The following TEX15 variants were observed in gnomAD, a reference collection of about 807,000 sequenced individuals.
TEX15 encodes the protein testis-expressed protein 15.
A neutral mutation model predicts 237.3 loss-of-function variants in TEX15; 171 were observed. The observed-to-expected ratio is 0.72, with a 90% CI of 0.64 to 0.82. The LOEUF (loss-of-function observed/expected upper bound fraction) is 0.82. Ranked by LOEUF, TEX15 falls within the 40% of genes least tolerant of loss-of-function variation. TEX15 has a pLI of 0.00. For missense variants in TEX15, 3,750 were observed against 3,646.5 expected (o/e 1.03, Z -0.73); for synonymous variants, 1,338 against 1,269.8 (o/e 1.05, Z -1.14).
chr8:30,845,189 G>A lies in TEX15; in HGVS notation c.4978C>T (p.His1660Tyr). 1.2e-6 allele frequency: 2 copies of A among 1,613,422 alleles called. No homozygotes were observed. The highest frequency in any genetic ancestry group is 1.7e-6 in the Non-Finnish European group (2 of 1,179,502). ...TGTTGGTAGAGATCATTTAAAAAGT[G>A]CTTCACATTTGAATCTAAGACTGAT... ...LISVLDSNVK[H>Y]FLNDLYQQGN... Residue 1660 changes from histidine to tyrosine, a missense_variant, in exon 8 of 11, where the codon CAC becomes TAC. By Grantham distance (83) the His-to-Tyr change is moderately conservative (BLOSUM62 2). Coordinates refer to ENST00000643185, the MANE Select transcript of TEX15 (RefSeq NM_001350162.2).
Position 30,843,070 on chromosome 8 carries a change from T to G in TEX15, c.7097A>C (p.His2366Pro), listed in dbSNP as rs1198473459. 6.2e-7 allele frequency: 1 copy of G among 1,613,276 alleles called. No individual in the cohort carries two copies. The highest frequency in any genetic ancestry group is 8.5e-7 in the Non-Finnish European group (1 of 1,179,662). Reference sequence around the variant, plus strand: ...CTCACTAATACAACAAATATCTGGGTGTGCAAGCAAATTACTGTTAAATTT... The same window carrying G: ...CTCACTAATACAACAAATATCTGGGGGTGCAAGCAAATTACTGTTAAATTT... ...NSKFNSNLLA[H>P]PDICCISEIL... Residue 2366 changes from histidine to proline, a missense_variant, in exon 8 of 11, where the codon CAC becomes CCC. His to Pro is a moderately conservative substitution (Grantham distance 77). Coordinates refer to ENST00000643185, the MANE Select transcript of TEX15 (RefSeq NM_001350162.2).
chr8:30,846,957 A>C lies in TEX15; in HGVS notation c.3210T>G (p.Asp1070Glu). 1 of 1,613,820 alleles carries C rather than the reference A, an allele frequency of 6.2e-7. No homozygotes were observed. Among genetic ancestry groups the C allele is most frequent in the Non-Finnish European group, 8.5e-7 (1 of 1,179,756 alleles). The stretch of plus-strand genomic sequence containing the variant: ...GTGTATCTTGTTGAAATATAAAAGC[A>C]TCATCACAATCTTCTAATTCTATTT... ...EIEIELEDCD[D>E]AFIFQQDTHS... Residue 1070 changes from aspartate (D) to glutamate (E), a missense_variant, in exon 8 of 11, where the codon GAT becomes GAG. Coordinates refer to ENST00000643185, the MANE Select transcript of TEX15 (RefSeq NM_001350162.2).
intron 7 of TEX15, among the ~76,000 whole-genome samples, chr8:30,856,462 G>T (rs986326938): frequency 6.6e-6 from 1 of 152,050 alleles, no homozygotes; most frequent in Non-Finnish European, 1.5e-5. Flanking sequence ...GTGGAGACGG[G>T]AGGATTGCTT....
rs540917651 is a variant in TEX15, at chr8:30,875,153, C to T, written c.137-51G>A. On this transcript the variant is annotated intron_variant, in intron 3 of 10. Coordinates refer to ENST00000643185, the MANE Select transcript of TEX15 (RefSeq NM_001350162.2). ...TTGTATTTAAAATGACATTATTGGACATCTGTACAATGACAACTGTATCTC... is the reference window on the plus strand; with the variant it reads ...TTGTATTTAAAATGACATTATTGGATATCTGTACAATGACAACTGTATCTC... 21 of 1,145,992 alleles carry T rather than the reference C, an allele frequency of 1.8e-5. No individual in the cohort carries two copies. In the African/African-American group the frequency reaches 3.0e-4, roughly 17 times the overall value. The allele number at this position is 1,145,992 out of a possible 1,614,324, so 71.0% of individuals were successfully genotyped here. A position where few individuals can be genotyped will look rare whatever the true frequency, so the allele number is the denominator to read the frequency against.
At chr8:30,856,921 G>A (rs1339505524) in intron 7 of TEX15, among the ~76,000 whole-genome samples, 9 of 152,146 alleles carry the variant, frequency 5.9e-5, no homozygotes, top group African/African-American at 1.9e-4. Flanking sequence ...ACCTTGATAA[G>A]CTGATTCTAA....
At chr8:30,855,486 T>C (rs891779264) in intron 7 of TEX15, among the ~76,000 whole-genome samples, 3 of 152,178 alleles carry the variant, frequency 2.0e-5, no homozygotes, top group African/African-American at 4.8e-5. Flanking sequence ...TCTCAGACAC[T>C]GCTGATGTGA....
chr8:30,855,422 G>C (rs1269620940), intron 7 of TEX15, among the ~76,000 whole-genome samples: 1 of 152,124 alleles, frequency 6.6e-6, no homozygotes, highest in South Asian at 2.1e-4. Flanking sequence ...CCACTAGGAT[G>C]GCTATAATAA....
Position 30,849,161 on chromosome 8 carries a change from T to C in TEX15, c.1006A>G (p.Ile336Val). The C allele has an allele frequency of 6.4e-7, 1 of 1,552,510 alleles. No individual in the cohort carries two copies. Among genetic ancestry groups the C allele is most frequent in the Non-Finnish European group, 8.7e-7 (1 of 1,151,504 alleles). The change falls in exon 8 of 11, where the codon ATC (isoleucine) becomes GTC (valine). Residue 336 changes from isoleucine to valine, a missense_variant. Physicochemically the swap from Ile to Val is conservative, Grantham distance 29. Coordinates refer to ENST00000643185, the MANE Select transcript of TEX15 (RefSeq NM_001350162.2). Reference sequence around the variant, plus strand: ...CCATAGGAGTTAGAAATATTTGAGATGAAAGGATTTATCTCTGAATTTAGT... The same window carrying C: ...CCATAGGAGTTAGAAATATTTGAGACGAAAGGATTTATCTCTGAATTTAGT... ...NALNSEINPFISNISNSYGNV... is the reference protein window; with the variant it reads ...NALNSEINPFVSNISNSYGNV...
intron 3 of TEX15, among the ~76,000 whole-genome samples, chr8:30,884,722 T>C (rs1218322377): frequency 6.6e-6 from 1 of 152,160 alleles, no homozygotes; most frequent in African/African-American, 2.4e-5. Flanking sequence ...CCCTTTTTTT[T>C]CTTAGTTATC....
intron 5 of TEX15, among the ~76,000 whole-genome samples, chr8:30,862,178 A>G (rs1395129355): frequency 1.3e-5 from 2 of 152,198 alleles, no homozygotes; most frequent in Non-Finnish European, 2.9e-5. Flanking sequence ...ATTAATTCTT[A>G]GCAAAGAATC....
intron 5 of TEX15, among the ~76,000 whole-genome samples, chr8:30,861,250 T>C (rs1414436335): frequency 1.3e-5 from 2 of 152,172 alleles, no homozygotes; most frequent in Non-Finnish European, 2.9e-5. Context: ...GAAAATACTG[T>C]AGAAAGAAAC....
chr8:30,864,370 G>C (rs1205932687), intron 5 of TEX15, among the ~76,000 whole-genome samples: 1 of 151,652 alleles, frequency 6.6e-6, no homozygotes, highest in Non-Finnish European at 1.5e-5. Flanking sequence ...GGAGTCTGAG[G>C]ACAGAGAGAA....
At chr8:30,858,058 G>A (rs1807948251) in intron 7 of TEX15, among the ~76,000 whole-genome samples, 1 of 151,896 alleles carries the variant, frequency 6.6e-6, no homozygotes, top group Admixed American at 6.6e-5. Context: ...AAATAGCAAT[G>A]TTTGGAATAA....
At chr8:30,885,265 T>G (rs980063456) in intron 3 of TEX15, among the ~76,000 whole-genome samples, 9 of 152,130 alleles carry the variant, frequency 5.9e-5, no homozygotes, top group Non-Finnish European at 1.3e-4. Context: ...CCATGTTTTG[T>G]GGGAGGGATC....
chr8:30,849,076 C>T lies in TEX15; in HGVS notation c.1091G>A (p.Ser364Asn), dbSNP rs2128768516. 3 of 1,613,700 alleles carry T rather than the reference C, an allele frequency of 1.9e-6. No individual in the cohort carries two copies. The highest frequency in any genetic ancestry group is 2.5e-6 in the Non-Finnish European group (3 of 1,179,906). ...AGAAGTGTCTCTAATTTCTGCTAAA[C>T]TGTGCTCTGTCTGTCCACTGTATGT... ...PETYSGQTEH[S>N]LAEIRDTSQV... Residue 364 changes from serine to asparagine, a missense_variant, in exon 8 of 11, where the codon AGT becomes AAT. Physicochemically the swap from Ser to Asn is conservative, Grantham distance 46. Coordinates refer to ENST00000643185, the MANE Select transcript of TEX15 (RefSeq NM_001350162.2).
At chr8:30,856,455 G>T (rs1432792725) in intron 7 of TEX15, among the ~76,000 whole-genome samples, 1 of 152,016 alleles carries the variant, frequency 6.6e-6, no homozygotes, top group African/African-American at 2.4e-5. Flanking sequence ...ACTGAAGGTG[G>T]AGACGGGAGG....
chr8:30,892,336 A>G lies in TEX15; in HGVS notation c.-9-5025T>C, dbSNP rs953332075. On this transcript the variant is annotated intron_variant, in intron 2 of 10. Coordinates refer to ENST00000643185, the MANE Select transcript of TEX15 (RefSeq NM_001350162.2). ...AATTCTGGGCTCTGGGCTCTGTTTC[A>G]TTGGTGTCTTTCTGTATTCATGCAT... is the stretch of plus-strand genomic sequence containing the variant. Among the ~76,000 whole-genome samples, 7 of 152,134 alleles carry G rather than the reference A, an allele frequency of 4.6e-5. No homozygotes were observed. The East Asian group carries it at 1.3e-3, about 29-fold the overall frequency.
At position 30,843,490 on chromosome 8, in the gene TEX15, G is replaced by A. The variant is rs1426774344; in HGVS notation, c.6677C>T (p.Pro2226Leu). 6.2e-7 allele frequency: 1 copy of A among 1,612,846 alleles called. No individual in the cohort carries two copies. The highest frequency in any genetic ancestry group is 1.7e-5 in the Admixed American group (1 of 59,956). Residue 2226 changes from proline (P) to leucine (L), a missense_variant, in exon 8 of 11, where the codon CCT (proline) becomes CTT (leucine). Pro to Leu is a moderately conservative substitution (Grantham distance 98, BLOSUM62 -3). Coordinates refer to ENST00000643185, the MANE Select transcript of TEX15 (RefSeq NM_001350162.2). ...TTTTCCTGGATACGAATGAACTTTAGGAGAGTCCCCACATACATTGATCAA... is the reference window on the plus strand; with the variant it reads ...TTTTCCTGGATACGAATGAACTTTAAGAGAGTCCCCACATACATTGATCAA... ...LKLINVCGDS[P>L]KVHSYPGKQD...
Position 30,846,368 on chromosome 8 carries a change from T to C in TEX15, c.3799A>G (p.Asn1267Asp). The C allele has an allele frequency of 6.2e-7, 1 of 1,613,450 alleles. No homozygotes were observed. Among genetic ancestry groups the C allele is most frequent in the Non-Finnish European group, 8.5e-7 (1 of 1,179,710 alleles). The change falls in exon 8 of 11, where the codon AAT (asparagine) becomes GAT (aspartate). Residue 1267 changes from asparagine to aspartate, a missense_variant. Physicochemically the swap from Asn to Asp is conservative, Grantham distance 23. Coordinates refer to ENST00000643185, the MANE Select transcript of TEX15 (RefSeq NM_001350162.2). ...CTTCCATCATCTATTGTTGTGACATTAGAAGGTTCAGTAAACAAAGATTCA... is the reference window on the plus strand; with the variant it reads ...CTTCCATCATCTATTGTTGTGACATCAGAAGGTTCAGTAAACAAAGATTCA... ...NSESLFTEPS[N>D]VTTIDDGSRC...
Sources: gnomAD v4.1 joint callset for allele counts (sites outside exome capture counted in the v4.1 genomes callset) on GRCh38, gnomAD v4.1.1 for gene constraint, MANE v1.5 for transcripts, NCBI Gene and HGNC (gene_info 2026-07-23, HGNC 2026-07-21) for gene names.